The following HIP1 variants were observed in gnomAD, a reference collection of about 807,000 sequenced individuals.
HIP1 encodes the protein huntingtin interacting protein 1, also known as huntingtin-interacting protein 1.
HIP1 carries 65 observed loss-of-function variants against 147.6 expected under a neutral mutation model. The ratio of observed to expected loss-of-function variants is 0.44; its 90% CI spans 0.36 to 0.54. HIP1 has a LOEUF of 0.54. HIP1 is among the 20% of genes least tolerant of loss of function. HIP1 has a pLI of 0.00. For missense variants in HIP1, 1,061 were observed against 1,299.6 expected, an observed-to-expected ratio of 0.82 and a Z score of 2.82; for synonymous variants, 479 against 504.0, an observed-to-expected ratio of 0.95 and a Z score of 0.67.
chr7:75,556,002 C>T (rs976549094), intron 18 of HIP1, 24 bp downstream of exon 18: 2 of 1,612,614 alleles, frequency 1.2e-6, no homozygotes, highest in African/African-American at 1.3e-5. Flanking sequence ...CAGGTGCTCG[C>T]TCGTGTCCAT....
chr7:75,561,979 T>C, intron 12 of HIP1, 94 bp downstream of exon 12: 1 of 769,174 alleles, frequency 1.3e-6, no homozygotes, highest in East Asian at 2.5e-5. Context: ...GAAGCCCCAG[T>C]ATCATTAAGA....
At chr7:75,561,031 C>T (rs1795211418) in intron 13 of HIP1, among the ~76,000 whole-genome samples, 2 of 151,074 alleles carry the variant, frequency 1.3e-5, no homozygotes, top group Non-Finnish European at 2.9e-5. Context: ...CAGTTCACTG[C>T]AACCTCTGCC....
intron 1 of HIP1, among the ~76,000 whole-genome samples, chr7:75,723,619 C>G (rs1395016324): frequency 1.3e-5 from 2 of 152,086 alleles, no homozygotes; most frequent in African/African-American, 4.8e-5. Context: ...CTCCTAGAGG[C>G]CTCCCTCTGG....
chr7:75,686,235 G>A (rs1024696044), intron 1 of HIP1, among the ~76,000 whole-genome samples: 3 of 152,118 alleles, frequency 2.0e-5, no homozygotes, highest in African/African-American at 7.2e-5. Flanking sequence ...TTATTGACAA[G>A]GTTGTCAATT....
intron 10 of HIP1, 22 bp downstream of exon 10, chr7:75,563,166 G>A (rs782073391): frequency 1.5e-5 from 24 of 1,613,876 alleles, no homozygotes; most frequent in African/African-American, 5.3e-5. Flanking sequence ...AGTGCCGAGG[G>A]TGTGTGGTTG....
In HIP1 at chr7:75,533,336, C is replaced by T. The variant is rs143125579; in HGVS notation, c.*4836G>A. 104 of 216,016 alleles carry T rather than the reference C, an allele frequency of 4.8e-4. 1 individual carries two copies. In the East Asian group the frequency reaches 7.1e-3, roughly 15 times the overall value. The allele number at this position is 216,016 out of a possible 1,614,324, so 13.4% of individuals were successfully genotyped here. The stretch of plus-strand genomic sequence containing the variant: ...ATATTTATTTGAAAAATTGAAAACA[C>T]AGATGCAATGTATTATACAAAGAAA... On this transcript the variant is annotated 3_prime_UTR_variant, in exon 31 of 31. Transcript: ENST00000336926.
intron 1 of HIP1, among the ~76,000 whole-genome samples, chr7:75,671,065 T>C (rs4731491): frequency 0.56 from 84,597 of 151,938 alleles, 23,934 homozygotes; most frequent in African/African-American, 0.63. Context: ...ACCCATGTTG[T>C]AGTATGTGTC....
At chr7:75,705,428 C>T (rs1800959321) in intron 1 of HIP1, among the ~76,000 whole-genome samples, 1 of 150,230 alleles carries the variant, frequency 6.7e-6, no homozygotes, top group Admixed American at 6.7e-5. Context: ...AGTACAGTGG[C>T]GCAATCTCGG....
chr7:75,729,168 A>G (rs1374026053), intron 1 of HIP1, among the ~76,000 whole-genome samples: 3 of 151,164 alleles, frequency 2.0e-5, no homozygotes, highest in Non-Finnish European at 3.0e-5. Flanking sequence ...AACAGGAAAA[A>G]AAAAAAAAGA....
At chr7:75,662,644 T>C (rs1554513815) in intron 1 of HIP1, among the ~76,000 whole-genome samples, 1 of 152,162 alleles carries the variant, frequency 6.6e-6, no homozygotes, top group Non-Finnish European at 1.5e-5. Context: ...AAGCTGGGAT[T>C]ACAGGCACAC....
chr7:75,540,952 A>T (rs1032366330), intron 29 of HIP1, among the ~76,000 whole-genome samples: 1 of 152,146 alleles, frequency 6.6e-6, no homozygotes, highest in East Asian at 1.9e-4. Flanking sequence ...TTAGTCCAAG[A>T]ATAGTGGGCA....
chr7:75,558,231 C>A lies in HIP1; in HGVS notation c.1400G>T (p.Arg467Leu). 3 of 1,614,124 alleles carry A rather than the reference C, an allele frequency of 1.9e-6. No homozygotes were observed. The highest frequency in any genetic ancestry group is 2.5e-6 in the Non-Finnish European group (3 of 1,179,972). ...GTACTTCTCCTTTAGCTTGCTATAT[C>A]GCTGTTCATTGGCTTGAGCTTTCCC... ...IERKAQANEQ[R>L]YSKLKEKYSE... The change falls in exon 15 of 31, where the codon CGA becomes CTA. Residue 467 changes from arginine (R) to leucine (L), a missense_variant. Transcript: ENST00000336926.
intron 3 of HIP1, 96 bp from the exon 4 acceptor site, chr7:75,592,208 G>A (rs2075332135): frequency 7.1e-7 from 1 of 1,400,582 alleles, no homozygotes; most frequent in Non-Finnish European, 1.0e-6. Flanking sequence ...CCTAGGGCAG[G>A]GGGACAGGCT....
chr7:75,581,512 C>T (rs782134067), intron 6 of HIP1, among the ~76,000 whole-genome samples: 1 of 152,226 alleles, frequency 6.6e-6, no homozygotes, highest in African/African-American at 2.4e-5. Flanking sequence ...GGGGCGGTGG[C>T]TCACGCCTGT....
Position 75,592,729 on chromosome 7 carries a change from C to T in HIP1, c.185-215G>A, listed in dbSNP as rs587679021. On this transcript the variant is annotated intron_variant, in intron 2 of 30. Coordinates refer to ENST00000336926, the MANE Select transcript of HIP1 (RefSeq NM_005338.7). ...GTGGTTGGCAGTGCCTTGGAGGGAGCGCCGCTCAGAGCTAAGACACCACAG... is the reference window on the plus strand; with the variant it reads ...GTGGTTGGCAGTGCCTTGGAGGGAGTGCCGCTCAGAGCTAAGACACCACAG... 2.0e-5 allele frequency among the ~76,000 whole-genome samples: 3 copies of T among 152,252 alleles called. No individual in the cohort carries two copies. In the East Asian group the frequency reaches 5.8e-4, roughly 29 times the overall value.
intron 1 of HIP1, among the ~76,000 whole-genome samples, chr7:75,655,490 G>A (rs1554512495): frequency 6.6e-6 from 1 of 151,996 alleles, no homozygotes; most frequent in East Asian, 1.9e-4. Context: ...GCTGAGGCAG[G>A]AGAGTCGCTG....
chr7:75,646,891 G>C (rs1332188491), intron 1 of HIP1, among the ~76,000 whole-genome samples: 1 of 152,104 alleles, frequency 6.6e-6, no homozygotes. Flanking sequence ...GCAATCATCA[G>C]GCCCCCTCCA....
rs1159535613 is a variant in HIP1 at position 75,589,683 on chromosome 7, CAAAAA to C, written c.384+2368_384+2372del. ...AGGCAACAGAGCAAGACTCTGTCTCCAAAAAAAAAAAAAAAAAAAAAAAAAAAAAA... is the reference window on the plus strand; with the variant it reads ...AGGCAACAGAGCAAGACTCTGTCTCCAAAAAAAAAAAAAAAAAAAAAAAAA... On this transcript the variant is annotated intron_variant, in intron 4 of 30. Transcript: ENST00000336926. 1.8e-4 allele frequency among the ~76,000 whole-genome samples: 9 copies of C among 49,636 alleles called. 1 individual carries two copies. The highest frequency in any genetic ancestry group is 4.4e-4 in the African/African-American group (5 of 11,462). 32.6% of individuals were successfully genotyped at this position (49,636 alleles called of 152,430 possible).
intron 1 of HIP1, among the ~76,000 whole-genome samples, chr7:75,636,221 C>T (rs1192684371): frequency 2.0e-5 from 3 of 151,174 alleles, no homozygotes; most frequent in South Asian, 4.2e-4. Flanking sequence ...GCTGGGGGCG[C>T]GCGCCTGTAG....
Sources: allele counts gnomAD v4.1 joint callset (sites outside exome capture counted in the v4.1 genomes callset), GRCh38; gene constraint gnomAD v4.1.1; transcripts MANE v1.5; gene names NCBI Gene and HGNC (gene_info 2026-07-23, HGNC 2026-07-21).